The following TXNDC16 variants were observed in gnomAD, a reference collection of about 807,000 sequenced individuals.
TXNDC16 encodes the protein thioredoxin domain-containing protein 16.
Under a neutral mutation model 85.6 loss-of-function variants are expected in TXNDC16, and 74 were observed. That is an observed-to-expected ratio of 0.86 (90% confidence interval 0.72 to 1.05). TXNDC16 has a LOEUF of 1.05. TXNDC16 is among the 50% of genes least tolerant of loss of function. TXNDC16 has a pLI of 0.00. For missense variants in TXNDC16, 959 were observed against 947.0 expected (o/e 1.01, Z -0.17); for synonymous variants, 335 against 326.5 (o/e 1.03, Z -0.28).
chr14:52,487,556 A>C (rs956873958), intron 12 of TXNDC16, among the ~76,000 whole-genome samples: 6 of 152,246 alleles, frequency 3.9e-5, no homozygotes, highest in African/African-American at 1.4e-4. Context: ...ATGTTATGAA[A>C]GATGTATCAG....
chr14:52,444,231 G>C (rs1205738191), intron 18 of TXNDC16, among the ~76,000 whole-genome samples: 4 of 152,158 alleles, frequency 2.6e-5, no homozygotes, highest in African/African-American at 9.7e-5. Context: ...CTATAACTGT[G>C]TGGGTCCTGG....
intron 6 of TXNDC16, among the ~76,000 whole-genome samples, chr14:52,529,927 A>G (rs1221250006): frequency 1.2e-4 from 13 of 110,276 alleles, no homozygotes; most frequent in Non-Finnish European, 1.8e-4. Context: ...TATACATTAT[A>G]TATATTATAT....
intron 6 of TXNDC16, among the ~76,000 whole-genome samples, chr14:52,533,012 C>T (rs539411810): frequency 6.6e-6 from 1 of 152,236 alleles, no homozygotes; most frequent in African/African-American, 2.4e-5. Flanking sequence ...GAGGACACTG[C>T]CTCTTTGGAA....
intron 18 of TXNDC16, among the ~76,000 whole-genome samples, chr14:52,452,527 T>G (rs11846836): frequency 1.3e-5 from 2 of 151,862 alleles, no homozygotes; most frequent in Non-Finnish European, 2.9e-5. Context: ...GAAATAAATC[T>G]GTACATCTAC....
At chr14:52,435,571 G>A (rs912392660) in intron 20 of TXNDC16, among the ~76,000 whole-genome samples, 6 of 151,980 alleles carry the variant, frequency 3.9e-5, no homozygotes, top group Non-Finnish European at 5.9e-5. Context: ...ATTCTGTCCC[G>A]TTTCCTAGGA....
chr14:52,436,510 G>A (rs1351942820), intron 20 of TXNDC16, among the ~76,000 whole-genome samples: 1 of 152,114 alleles, frequency 6.6e-6, no homozygotes, highest in Non-Finnish European at 1.5e-5. Context: ...GTAGTTGCAT[G>A]ATCTTGAGAA....
At position 52,536,708 on chromosome 14, in the gene TXNDC16, C is replaced by T. The variant is rs1413908940; in HGVS notation, c.392+11G>A. On this transcript the variant is annotated intron_variant, in intron 6 of 20. Transcript: ENST00000281741. ...CAAGTAAACAAATGAATGTGTAGCC[C>T]CTGTACTTACAAGAGAACATGGGCG... 6.2e-7 allele frequency: 1 copy of T among 1,600,884 alleles called. No homozygotes were observed. Among genetic ancestry groups the T allele is most frequent in the Admixed American group, 1.7e-5 (1 of 59,420 alleles).
At chr14:52,477,664 C>T (rs1324930262) in intron 14 of TXNDC16, among the ~76,000 whole-genome samples, 1 of 152,094 alleles carries the variant, frequency 6.6e-6, no homozygotes, top group Admixed American at 6.5e-5. Flanking sequence ...ATTGGAGCGC[C>T]TAAATTTATA....
chr14:52,510,077 A>C (rs2036920853), intron 9 of TXNDC16, among the ~76,000 whole-genome samples: 2 of 152,328 alleles, frequency 1.3e-5, no homozygotes, highest in Admixed American at 1.3e-4. Flanking sequence ...AATGCTTTTT[A>C]AGAAGAGGGA....
intron 1 of TXNDC16, among the ~76,000 whole-genome samples, chr14:52,545,963 T>C (rs985766724): frequency 6.6e-6 from 1 of 152,060 alleles, no homozygotes; most frequent in African/African-American, 2.4e-5. Flanking sequence ...TTTTCTTTTT[T>C]TACCTCCAGT....
chr14:52,491,080 T>G, intron 9 of TXNDC16, 75 bp from the exon 10 acceptor site: 3 of 1,464,730 alleles, frequency 2.0e-6, no homozygotes, highest in Non-Finnish European at 2.7e-6. Context: ...TCCTAATTCT[T>G]ATTAATAAAG....
rs1259973143 is a variant in TXNDC16 at position 52,543,605 on chromosome 14, C to T, written c.-48G>A. ...GCGGATTTTGTCTGTTTTTTCACTG[C>T]TGTGTTCTGTTTCCTAAGACAACAC... On this transcript the variant is annotated 5_prime_UTR_variant, in exon 3 of 21. Coordinates refer to ENST00000281741, the MANE Select transcript of TXNDC16 (RefSeq NM_020784.3). 6.3e-7 allele frequency: 1 copy of T among 1,599,660 alleles called. No homozygotes were observed. The highest frequency in any genetic ancestry group is 1.3e-5 in the African/African-American group (1 of 74,318).
At chr14:52,541,205 C>T (rs2037823442) in intron 4 of TXNDC16, among the ~76,000 whole-genome samples, 1 of 151,142 alleles carries the variant, frequency 6.6e-6, no homozygotes, top group South Asian at 2.1e-4. Context: ...CATTGCACTC[C>T]AGCCTGGGCG....
At chr14:52,532,585 C>T (rs1030939973) in intron 6 of TXNDC16, among the ~76,000 whole-genome samples, 3 of 151,866 alleles carry the variant, frequency 2.0e-5, no homozygotes, top group African/African-American at 4.8e-5. Context: ...TACAGGCGCC[C>T]GCCACCACGC....
rs897147663 is a variant in TXNDC16, at chr14:52,501,265, GA to G, written c.756+9974del. On this transcript the variant is annotated intron_variant, in intron 9 of 20. Transcript: ENST00000281741. ...GTCCAAGTACCCTGTTTACCTAAAA[GA>G]AAAAAAAAGCAATAAACACACATAC... 4.7e-3 allele frequency among the ~76,000 whole-genome samples: 704 copies of G among 149,748 alleles called. 6 individuals are homozygous for G. The highest frequency in any genetic ancestry group is 0.016 in the African/African-American group (672 of 40,782).
intron 12 of TXNDC16, among the ~76,000 whole-genome samples, chr14:52,483,542 T>C (rs2036197579): frequency 6.6e-6 from 1 of 152,056 alleles, no homozygotes; most frequent in Admixed American, 6.6e-5. Context: ...GTTGAGCACA[T>C]ACAAGGCTGA....
At chr14:52,517,655 G>A (rs975328842) in intron 7 of TXNDC16, among the ~76,000 whole-genome samples, 3 of 151,742 alleles carry the variant, frequency 2.0e-5, no homozygotes, top group South Asian at 2.1e-4. Context: ...GCCCTTGTTC[G>A]CTACATTCCA....
At chr14:52,538,094 C>T (rs559916743) in intron 4 of TXNDC16, among the ~76,000 whole-genome samples, 10 of 152,276 alleles carry the variant, frequency 6.6e-5, no homozygotes, top group African/African-American at 2.4e-4. Context: ...TTGCTAAAAG[C>T]AAGTGTTTCA....
rs34014029 is a variant in TXNDC16, at chr14:52,521,278, A to ATTT, written c.393-1988_393-1986dup. On this transcript the variant is annotated intron_variant, in intron 6 of 20. Transcript: ENST00000281741. Reference sequence around the variant, plus strand: ...CAGGCGTGCACCCCCACGCCTGGCTATTTTTTTTTTTTTTTTGTATTTTTA... The same window carrying ATTT: ...CAGGCGTGCACCCCCACGCCTGGCTATTTTTTTTTTTTTTTTTTTGTATTTTTA... Among the ~76,000 whole-genome samples, 195 of 134,436 alleles carry ATTT rather than the reference A, an allele frequency of 1.5e-3. 2 individuals are homozygous for ATTT. In the South Asian group the frequency reaches 0.017, roughly 12 times the overall value. The allele number at this position is 134,436 out of a possible 152,430, so 88.2% of individuals were successfully genotyped here.
Sources: gnomAD v4.1 joint callset for allele counts (sites outside exome capture counted in the v4.1 genomes callset) on GRCh38, gnomAD v4.1.1 for gene constraint, MANE v1.5 for transcripts, NCBI Gene and HGNC (gene_info 2026-07-23, HGNC 2026-07-21) for gene names.